Variants in MTCL2 observed in about 807,000 individuals in gnomAD.
The protein encoded by MTCL2 is microtubule cross-linking factor 2.
the MTCL2 span, among the ~76,000 whole-genome samples, chr20:36,847,684 T>A: frequency 5.9e-3 from 891 of 151,790 alleles, 12 homozygotes; most frequent in East Asian, 0.032. Flanking sequence ...CGAGACCCCA[T>A]CTCTACAAAA....
At chr20:36,851,657 C>T in the MTCL2 span, among the ~76,000 whole-genome samples, 4 of 152,222 alleles carry the variant, frequency 2.6e-5, no homozygotes, top group East Asian at 3.8e-4. Context: ...AGGCCCATTA[C>T]GTCCATCTTA....
chr20:36,815,252 C>T, the MTCL2 span: 1 of 1,614,002 alleles, frequency 6.2e-7, no homozygotes, highest in Non-Finnish European at 8.5e-7. This position sits in a 1 kb window ranked among gnomAD's most constrained non-coding sequence, Gnocchi z 5.3. Context: ...CTGCATCTGC[C>T]TTCCGCGTGA....
At chr20:36,794,080 G>C in the MTCL2 span, 3 of 1,551,450 alleles carry the variant, frequency 1.9e-6, no homozygotes, top group Non-Finnish European at 2.6e-6. The surrounding 1 kb of genome is among the most constrained non-coding windows in gnomAD (Gnocchi z 5.4). Context: ...ACATCTCAAA[G>C]TCATGCAGGG....
the MTCL2 span, among the ~76,000 whole-genome samples, chr20:36,836,679 G>A: frequency 6.6e-6 from 1 of 151,980 alleles, no homozygotes; most frequent in African/African-American, 2.4e-5. Context: ...TAGAGATAGG[G>A]TCTTGCTATG....
chr20:36,789,392 T>C, the MTCL2 span, among the ~76,000 whole-genome samples: 26 of 152,312 alleles, frequency 1.7e-4, no homozygotes, highest in African/African-American at 6.0e-4. Flanking sequence ...CCAGGCGCAG[T>C]GGCTCACGTC....
chr20:36,788,175 T>TG, the MTCL2 span, among the ~76,000 whole-genome samples: 1 of 122,748 alleles, frequency 8.1e-6, no homozygotes, highest in Non-Finnish European at 1.6e-5. Context: ...CACTCCAGCC[T>TG]GGGGGACAGA....
At chr20:36,821,251 G>A in the MTCL2 span, among the ~76,000 whole-genome samples, 124 of 152,334 alleles carry the variant, frequency 8.1e-4, no homozygotes, top group Non-Finnish European at 3.5e-4. Flanking sequence ...GCTGGATGCA[G>A]TGGCTCACGC....
At chr20:36,848,262 C>T in the MTCL2 span, among the ~76,000 whole-genome samples, 1 of 152,186 alleles carries the variant, frequency 6.6e-6, no homozygotes, top group Non-Finnish European at 1.5e-5. Flanking sequence ...CCTGCTCACC[C>T]ACCCACTCCC....
the MTCL2 span, among the ~76,000 whole-genome samples, chr20:36,820,720 TA>T: frequency 6.6e-6 from 1 of 151,874 alleles, no homozygotes; most frequent in Admixed American, 6.6e-5. Context: ...CAGGCACCTG[TA>T]ATCCCAGCTA....
chr20:36,814,998 G>T, the MTCL2 span: 1 of 876,650 alleles, frequency 1.1e-6, no homozygotes, highest in Non-Finnish European at 1.7e-6. Flanking sequence ...GGATATCGAG[G>T]CTGCAGTGAA....
chr20:36,835,869 T>C, the MTCL2 span, among the ~76,000 whole-genome samples: 5 of 152,088 alleles, frequency 3.3e-5, no homozygotes, highest in Admixed American at 6.6e-5. Context: ...CCGCCGCCGC[T>C]GCTCTAGCTC....
the MTCL2 span, among the ~76,000 whole-genome samples, chr20:36,827,787 G>A: frequency 7.9e-3 from 1,197 of 152,238 alleles, 14 homozygotes; most frequent in Admixed American, 0.013. Flanking sequence ...TTCATTACTT[G>A]TACCGTGACC....
At chr20:36,810,717 C>CCTCTCTCTCTCCCTCTCTCTCTCT in the MTCL2 span, among the ~76,000 whole-genome samples, 4 of 94,270 alleles carry the variant, frequency 4.2e-5, no homozygotes, top group East Asian at 3.1e-4. Context: ...TCTCTCTCTC[C>CCTCTCTCTCTCCCTCTCTCTCTCT]CTCTCTCTCT....
chr20:36,861,316 C>T, the MTCL2 span, among the ~76,000 whole-genome samples: 5 of 152,154 alleles, frequency 3.3e-5, no homozygotes, highest in East Asian at 1.9e-4. Flanking sequence ...ACACCGAACC[C>T]GGCCCTTGGG....
At chr20:36,838,352 T>C in the MTCL2 span, among the ~76,000 whole-genome samples, 2 of 152,156 alleles carry the variant, frequency 1.3e-5, no homozygotes, top group Non-Finnish European at 2.9e-5. Context: ...CCCAGCACTT[T>C]GGGAGGCCAA....
At chr20:36,843,560 C>A in the MTCL2 span, among the ~76,000 whole-genome samples, 1 of 151,998 alleles carries the variant, frequency 6.6e-6, no homozygotes, top group Non-Finnish European at 1.5e-5. Context: ...AGTGAAGGAT[C>A]CACGCGCTGT....
the MTCL2 span, among the ~76,000 whole-genome samples, chr20:36,830,554 C>A: frequency 6.6e-6 from 1 of 152,116 alleles, no homozygotes; most frequent in Admixed American, 6.6e-5. Flanking sequence ...GGCAACAGAG[C>A]GAGACCCTGT....
the MTCL2 span, among the ~76,000 whole-genome samples, chr20:36,847,395 G>A: frequency 6.6e-6 from 1 of 152,166 alleles, no homozygotes; most frequent in East Asian, 1.9e-4. Flanking sequence ...GGTCCGTTGT[G>A]CTGGTAATTT....
At chr20:36,806,211 A>G in the MTCL2 span, among the ~76,000 whole-genome samples, 13 of 152,272 alleles carry the variant, frequency 8.5e-5, no homozygotes, top group African/African-American at 3.1e-4. Flanking sequence ...AATGCTACAT[A>G]AGGGTGACCA....
Sources: allele counts gnomAD v4.1 joint callset (sites outside exome capture counted in the v4.1 genomes callset), GRCh38; gene constraint gnomAD v4.1.1; non-coding constraint Gnocchi (gnomAD v3.1); transcripts MANE v1.5; gene names NCBI Gene and HGNC (gene_info 2026-07-23, HGNC 2026-07-21).